Variants in DNTT observed in about 807,000 individuals in gnomAD.
DNTT encodes the protein DNA nucleotidylexotransferase, also known as nucleosidetriphosphate:DNA deoxynucleotidylexotransferase.
Under a neutral mutation model 60.9 loss-of-function variants are expected in DNTT, and 47 were observed. That is an observed-to-expected ratio of 0.77 (90% CI 0.61 to 0.98). The LOEUF (loss-of-function observed/expected upper bound fraction) is 0.98. DNTT is among the 50% of genes least tolerant of loss of function. DNTT has a pLI of 0.00. For synonymous variants in DNTT, 224 were observed against 221.2 expected, an observed-to-expected ratio of 1.01 and a Z score of -0.11; for missense variants, 665 against 627.5, an observed-to-expected ratio of 1.06 and a Z score of -0.64.
rs571334029 is a variant in DNTT, at chr10:96,337,776, A to C, written c.1444-362A>C. Among the ~76,000 whole-genome samples, 15 of 152,334 alleles carry C rather than the reference A, an allele frequency of 9.8e-5. No homozygotes were observed. The South Asian group carries it at 2.7e-3, about 27-fold the overall frequency. ...AGTGCGTTCAGATAGATTGATTATA[A>C]GATCTCTCCTGAGCTTCTGATTTCA... is the stretch of plus-strand genomic sequence containing the variant. On this transcript the variant is annotated intron_variant, in intron 10 of 10. Coordinates refer to ENST00000371174, the MANE Select transcript of DNTT (RefSeq NM_004088.4).
chr10:96,333,424 A>C (rs1214191673), intron 9 of DNTT, among the ~76,000 whole-genome samples: 1 of 152,202 alleles, frequency 6.6e-6, no homozygotes, highest in African/African-American at 2.4e-5. Context: ...AAAAACTAAA[A>C]ACAGGGCTAC....
chr10:96,320,537 G>A (rs1844856385), intron 3 of DNTT, 81 bp from the exon 4 acceptor site: 3 of 1,505,338 alleles, frequency 2.0e-6, no homozygotes, highest in African/African-American at 1.4e-5. Flanking sequence ...ATATTTAAAG[G>A]AGAGCAAGAG....
At chr10:96,338,107 T>A (rs752340907) in intron 10 of DNTT, 31 bp from the exon 11 acceptor site, 4 of 1,589,796 alleles carry the variant, frequency 2.5e-6, no homozygotes, top group Non-Finnish European at 2.6e-6. Context: ...GAAAAATATC[T>A]GAATGCACAT....
intron 9 of DNTT, among the ~76,000 whole-genome samples, chr10:96,335,360 G>C (rs2133996838): frequency 6.6e-6 from 1 of 152,286 alleles, no homozygotes; most frequent in East Asian, 1.9e-4. Context: ...AAGCCAGAGG[G>C]AGTCTTAATC....
chr10:96,328,473 A>C (rs1844964214), intron 7 of DNTT, among the ~76,000 whole-genome samples: 1 of 152,168 alleles, frequency 6.6e-6, no homozygotes, highest in Non-Finnish European at 1.5e-5. Context: ...TGTGTAGAAT[A>C]AATAATTTTT....
intron 1 of DNTT, among the ~76,000 whole-genome samples, chr10:96,309,932 T>C (rs71484205): frequency 0.096 from 14,688 of 152,258 alleles, 822 homozygotes; most frequent in South Asian, 0.15. Flanking sequence ...ATGTAAATCT[T>C]CTAACCATCC....
At chr10:96,314,402 C>CTTT (rs869059822) in intron 1 of DNTT, among the ~76,000 whole-genome samples, 957 of 53,102 alleles carry the variant, frequency 0.018, 152 homozygotes, top group Non-Finnish European at 0.029. Context: ...TATCTCTTCC[C>CTTT]TTTTTTTTTT....
intron 8 of DNTT, among the ~76,000 whole-genome samples, chr10:96,330,219 C>T (rs1224654030): frequency 6.6e-6 from 1 of 151,922 alleles, no homozygotes; most frequent in African/African-American, 2.4e-5. Flanking sequence ...CATTCTCAAA[C>T]ACCTTGCAAA....
chr10:96,324,330 G>A lies in DNTT; in HGVS notation c.815G>A (p.Arg272Lys), dbSNP rs1470325261. 2 of 1,613,714 alleles carry A rather than the reference G, an allele frequency of 1.2e-6. No individual in the cohort carries two copies. Among genetic ancestry groups the A allele is most frequent in the Non-Finnish European group, 1.7e-6 (2 of 1,179,666 alleles). Reference sequence around the variant, plus strand: ...GAGAAGTGGTTCAGGATGGGTTTCAGAACTCTGAGTAAAGTAAGGTCGGAC... The same window carrying A: ...GAGAAGTGGTTCAGGATGGGTTTCAAAACTCTGAGTAAAGTAAGGTCGGAC... The part of the protein sequence containing the change: ...TSEKWFRMGF[R>K]TLSKVRSDKS... The change falls in exon 6 of 11, where the codon AGA (arginine) becomes AAA (lysine). Residue 272 changes from arginine (R) to lysine (K), a missense_variant. Transcript: ENST00000371174.
intron 1 of DNTT, among the ~76,000 whole-genome samples, chr10:96,307,705 G>GTGTATATATATATA (rs1354977619): frequency 9.5e-5 from 5 of 52,882 alleles, no homozygotes; most frequent in Non-Finnish European, 1.4e-4. Flanking sequence ...GTGTGTGTGT[G>GTGTATATATATATA]TATATATATA....
chr10:96,318,090 C>A (rs1050762681), intron 1 of DNTT, among the ~76,000 whole-genome samples: 1 of 152,148 alleles, frequency 6.6e-6, no homozygotes, highest in African/African-American at 2.4e-5. Context: ...CTTTTCTGGA[C>A]CTTGGTTTTC....
rs953115443 is a variant in DNTT at position 96,314,000 on chromosome 10, T to C, written c.204-4352T>C. 9.2e-5 allele frequency among the ~76,000 whole-genome samples: 14 copies of C among 152,214 alleles called. 1 individual carries two copies. Among genetic ancestry groups the C allele is most frequent in the African/African-American group, 3.4e-4 (14 of 41,450 alleles). ...CCTCCCTGTGGCTGCTCCGTCTTGA[T>C]GTGTGGCTATGGCAACTGTTCTTTC... On this transcript the variant is annotated intron_variant, in intron 1 of 10. Transcript: ENST00000371174.
chr10:96,331,637 T>A (rs1289801529), intron 8 of DNTT, among the ~76,000 whole-genome samples: 1 of 152,164 alleles, frequency 6.6e-6, no homozygotes, highest in Non-Finnish European at 1.5e-5. Flanking sequence ...TCTTCCCCTA[T>A]GACCCAAAGA....
intron 4 of DNTT, among the ~76,000 whole-genome samples, chr10:96,321,848 G>A (rs1171857863): frequency 1.3e-5 from 2 of 152,156 alleles, no homozygotes; most frequent in Non-Finnish European, 2.9e-5. Flanking sequence ...AATAGATACA[G>A]ACGTGTTATT....
In DNTT at chr10:96,334,786, G is replaced by T. The variant is rs552531234; in HGVS notation, c.1360-1105G>T. On this transcript the variant is annotated intron_variant, in intron 9 of 10. Coordinates refer to ENST00000371174, the MANE Select transcript of DNTT (RefSeq NM_004088.4). Reference sequence around the variant, plus strand: ...TGGGAACACATAGTTGATTGAGAAAGGGGAACGTTCCAGAAAGAAGTCCTT... The same window carrying T: ...TGGGAACACATAGTTGATTGAGAAATGGGAACGTTCCAGAAAGAAGTCCTT... 3.9e-5 allele frequency among the ~76,000 whole-genome samples: 6 copies of T among 152,336 alleles called. No homozygotes were observed. The South Asian group carries it at 1.2e-3, about 32-fold the overall frequency.
At chr10:96,320,148 C>T (rs1029250349) in intron 3 of DNTT, among the ~76,000 whole-genome samples, 5 of 152,176 alleles carry the variant, frequency 3.3e-5, no homozygotes, top group African/African-American at 7.2e-5. Flanking sequence ...GAAATACAAA[C>T]GTGCCCTACC....
chr10:96,332,819 A>T (rs1185027428), intron 9 of DNTT, among the ~76,000 whole-genome samples: 1 of 152,232 alleles, frequency 6.6e-6, no homozygotes, highest in African/African-American at 2.4e-5. Flanking sequence ...CACCAGCAGC[A>T]GCAACCTTAC....
intron 3 of DNTT, among the ~76,000 whole-genome samples, chr10:96,320,414 G>A (rs1319823854): frequency 1.3e-5 from 2 of 152,204 alleles, no homozygotes; most frequent in African/African-American, 2.4e-5. Context: ...TCCGCATAAT[G>A]CACTCTGGTA....
In DNTT at chr10:96,320,763, G is replaced by C; in HGVS notation, c.653G>C (p.Gly218Ala). ...GACACAGAAGGAATTCCCTGCCTGG[G>C]GTCCAAGGTGAAGGGTATCATAGAG... ...MKDTEGIPCL[G>A]SKVKGIIEEI... The change falls in exon 4 of 11, where the codon GGG becomes GCG. Residue 218 changes from glycine (G) to alanine (A), a missense_variant. Coordinates refer to ENST00000371174, the MANE Select transcript of DNTT (RefSeq NM_004088.4). 6.2e-7 allele frequency: 1 copy of C among 1,613,680 alleles called. No individual in the cohort carries two copies.
Sources: gnomAD v4.1 joint callset for allele counts (sites outside exome capture counted in the v4.1 genomes callset) on GRCh38, gnomAD v4.1.1 for gene constraint, MANE v1.5 for transcripts, NCBI Gene and HGNC (gene_info 2026-07-23, HGNC 2026-07-21) for gene names.